ERBB2: variants seen among roughly 807,000 people sequenced by gnomAD.
ERBB2 encodes erb-b2 receptor tyrosine kinase 2, also known as receptor tyrosine-protein kinase erbB-2.
ERBB2 carries 61 observed loss-of-function variants against 149.0 expected under a neutral mutation model. That is an observed-to-expected ratio of 0.41 (90% confidence interval 0.33 to 0.51). ERBB2 has a LOEUF of 0.51. ERBB2 is among the 20% of genes least tolerant of loss of function. The pLI is 0.25. For synonymous variants in ERBB2, 633 were observed against 678.8 expected (o/e 0.93, Z 1.05); for missense variants, 1,205 against 1,655.1 (o/e 0.73, Z 4.72).
At chr17:39,716,876 C>A (rs189330859) in intron 14 of ERBB2, 5 of 509,268 alleles carry the variant, frequency 9.8e-6, no homozygotes, top group Non-Finnish European at 1.8e-5. Flanking sequence ...TGGGCTCAGG[C>A]GTCAGACTAC....
chr17:39,709,787 C>T (rs2145488564), intron 4 of ERBB2, 26 bp from the exon 5 acceptor site: 1 of 1,603,278 alleles, frequency 6.2e-7, no homozygotes, highest in South Asian at 1.1e-5. Flanking sequence ...ATCTCTCTCA[C>T]TGCCTGTCTC....
chr17:39,713,834 T>C (rs2058960048), intron 9 of ERBB2, among the ~76,000 whole-genome samples: 1 of 151,070 alleles, frequency 6.6e-6, no homozygotes, highest in East Asian at 1.9e-4. Context: ...AGCAGGAAGA[T>C]TGCTTGAGCC....
upstream of ERBB2, among the ~76,000 whole-genome samples, chr17:39,691,556 A>AATAT (rs1555611662): frequency 5.9e-5 from 5 of 84,174 alleles, no homozygotes; most frequent in South Asian, 7.1e-4. Flanking sequence ...TAAAAAAAAA[A>AATAT]ATATATATAT....
At chr17:39,699,244 G>C (rs1045424376), upstream of ERBB2, among the ~76,000 whole-genome samples, 5 of 152,156 alleles carry the variant, frequency 3.3e-5, no homozygotes, top group African/African-American at 9.7e-5. Context: ...AGGATCACCT[G>C]AGGTTGGGAG....
intron 15 of ERBB2, among the ~76,000 whole-genome samples, chr17:39,718,155 G>T (rs750100180): frequency 6.6e-6 from 1 of 152,124 alleles, no homozygotes; most frequent in Non-Finnish European, 1.5e-5. Flanking sequence ...CATACATATT[G>T]TTTGCAAATT....
upstream of ERBB2, among the ~76,000 whole-genome samples, chr17:39,691,574 T>TACACAC (rs1173386743): frequency 2.6e-3 from 318 of 121,688 alleles, no homozygotes; most frequent in African/African-American, 0.011. Context: ...TATATATATA[T>TACACAC]ACACACACAC....
intron 8 of ERBB2, 98 bp downstream of exon 8, chr17:39,712,145 T>C: frequency 1.3e-6 from 2 of 1,582,186 alleles, no homozygotes; most frequent in East Asian, 2.2e-5. Context: ...TCAGACCCTC[T>C]TGGGACCTAG....
intron 7 of ERBB2, 89 bp downstream of exon 7, chr17:39,710,570 C>T (rs1388190393): frequency 5.4e-6 from 8 of 1,469,712 alleles, no homozygotes; most frequent in Non-Finnish European, 6.5e-6. Context: ...CTGTCTGCAT[C>T]TTGCTTTGAG....
intron 9 of ERBB2, among the ~76,000 whole-genome samples, chr17:39,714,158 C>T (rs1317327072): frequency 2.0e-5 from 3 of 152,066 alleles, no homozygotes; most frequent in Admixed American, 1.3e-4. Flanking sequence ...TCACCTAGAC[C>T]GTTTATGCAT....
chr17:39,694,322 CACAT>C (rs567240875), upstream of ERBB2, among the ~76,000 whole-genome samples: 917 of 101,868 alleles, frequency 9.0e-3, 39 homozygotes, highest in African/African-American at 0.03. Flanking sequence ...TATACACACA[CACAT>C]ATATATGTGT....
At chr17:39,708,247 A>G (rs1380274393) in intron 2 of ERBB2, 74 bp from the exon 3 acceptor site, 1 of 1,180,244 alleles carries the variant, frequency 8.5e-7, no homozygotes, top group African/African-American at 1.5e-5. Context: ...ATCTCCAAGT[A>G]CTGGGGAACC....
rs752302855 is a variant in ERBB2, at chr17:39,715,721, G to A, written c.1314-19G>A. On this transcript the variant is annotated intron_variant, in intron 11 of 26. Transcript: ENST00000269571. ...ACCGGGAAGGGGTCCGTGGTAAGGT[G>A]CCCACCTTTCTCCCATAGTGGCGCC... 13 of 1,605,034 alleles carry A rather than the reference G, an allele frequency of 8.1e-6. No individual in the cohort carries two copies. In the Admixed American group the frequency reaches 8.3e-5, roughly 10 times the overall value.
At chr17:39,697,774 A>C (rs1424789692), upstream of ERBB2, among the ~76,000 whole-genome samples, 1 of 151,062 alleles carries the variant, frequency 6.6e-6, no homozygotes, top group Non-Finnish European at 1.5e-5. Context: ...GCTCACTGCA[A>C]CCTCTGCCCT....
Position 39,715,521 on chromosome 17 carries a change from G to T in ERBB2, c.1298G>T (p.Gly433Val), listed in dbSNP as rs2145641331. The T allele has an allele frequency of 6.2e-7, 1 of 1,614,182 alleles. No individual in the cohort carries two copies. The highest frequency in any genetic ancestry group is 1.1e-5 in the South Asian group (1 of 91,078). The change falls in exon 11 of 27, where the codon GGA becomes GTA. Residue 433 changes from glycine (G) to valine (V), a missense_variant. Transcript: ENST00000269571. ...SVFQNLQVIRGRILHNGAYSL... is the reference protein window; with the variant it reads ...SVFQNLQVIRVRILHNGAYSL... Reference sequence around the variant, plus strand: ...TTCCAGAACCTGCAAGTAATCCGGGGACGAATTCTGCACAAGTGAGCACTG... The same window carrying T: ...TTCCAGAACCTGCAAGTAATCCGGGTACGAATTCTGCACAAGTGAGCACTG...
chr17:39,689,105 T>C (rs1307484837), intron 2 of ERBB2, among the ~76,000 whole-genome samples: 2 of 152,162 alleles, frequency 1.3e-5, no homozygotes, highest in East Asian at 3.9e-4. Flanking sequence ...CAACTTTTCT[T>C]TTTCGTCCTG....
At position 39,725,652 on chromosome 17, in the gene ERBB2, C is replaced by T. The variant is rs2143049930; in HGVS notation, c.2726-55C>T. On this transcript the variant is annotated intron_variant, in intron 22 of 26. Coordinates refer to ENST00000269571, the MANE Select transcript of ERBB2 (RefSeq NM_004448.4). This position sits in a 1 kb window ranked among gnomAD's most constrained non-coding sequence, Gnocchi z 4.6. ...AGACTCCTGAGCAGAACCTCTGGCT[C>T]AGTACACTAAAGCTCCCTCTGGCCC... The T allele has an allele frequency of 6.4e-7, 1 of 1,553,110 alleles. No homozygotes were observed. Among genetic ancestry groups the T allele is most frequent in the Non-Finnish European group, 8.7e-7 (1 of 1,146,356 alleles).
Position 39,711,919 on chromosome 17 carries a change from TCTC to T in ERBB2, c.902-6_902-4del. 1 of 1,614,042 alleles carries T rather than the reference TCTC, an allele frequency of 6.2e-7. No individual in the cohort carries two copies. Among genetic ancestry groups the T allele is most frequent in the Non-Finnish European group, 8.5e-7 (1 of 1,179,958 alleles). ...AGGGTATGTGGCTACATGTTCCTGA[TCTC>T]CTTAGACAACTACCTTTCTACGGAC... On this transcript the variant is annotated splice_region_variant and splice_polypyrimidine_tract_variant and intron_variant, in intron 7 of 26. Coordinates refer to ENST00000269571, the MANE Select transcript of ERBB2 (RefSeq NM_004448.4).
At chr17:39,700,535 C>T (rs1234418699) in intron 1 of ERBB2, among the ~76,000 whole-genome samples, 1 of 152,250 alleles carries the variant, frequency 6.6e-6, no homozygotes, top group Non-Finnish European at 1.5e-5. Context: ...GAGACTGGCG[C>T]TTTCCAGGCT....
intron 4 of ERBB2, 83 bp from the exon 5 acceptor site, chr17:39,709,730 C>A: frequency 7.3e-7 from 1 of 1,362,200 alleles, no homozygotes; most frequent in Non-Finnish European, 1.0e-6. Context: ...GCCTCTGCTG[C>A]TGTTTGTGCC....
Sources: gnomAD v4.1 joint callset for allele counts (sites outside exome capture counted in the v4.1 genomes callset) on GRCh38, gnomAD v4.1.1 for gene constraint, Gnocchi (gnomAD v3.1) non-coding constraint, MANE v1.5 for transcripts, NCBI Gene and HGNC (gene_info 2026-07-23, HGNC 2026-07-21) for gene names.